The following GRM7 variants were observed in gnomAD, a reference collection of about 807,000 sequenced individuals.
The protein encoded by GRM7 is metabotropic glutamate receptor 7.
Under a neutral mutation model 84.5 loss-of-function variants are expected in GRM7, and 35 were observed. That is an observed-to-expected ratio of 0.41 (90% CI 0.32 to 0.55). GRM7 has a LOEUF of 0.55. GRM7 is among the 20% of genes least tolerant of loss of function. The pLI, the probability that GRM7 is intolerant of heterozygous loss-of-function variation, is 0.19. For missense variants in GRM7, 1,003 were observed against 1,194.6 expected (o/e 0.84, Z 2.36); for synonymous variants, 487 against 455.1 (o/e 1.07, Z -0.89).
intron 2 of GRM7, among the ~76,000 whole-genome samples, chr3:7,164,179 T>G (rs1694724790): frequency 6.6e-6 from 1 of 152,054 alleles, no homozygotes; most frequent in South Asian, 2.1e-4. Flanking sequence ...GCCAACATGG[T>G]GAAACCCCAT....
chr3:7,191,148 C>A (rs750726965), intron 2 of GRM7, among the ~76,000 whole-genome samples: 4 of 152,006 alleles, frequency 2.6e-5, no homozygotes, highest in Admixed American at 6.6e-5. Flanking sequence ...AGAGGATAAT[C>A]GAAATTGAAG....
At chr3:7,583,237 G>C (rs1281414140) in intron 8 of GRM7, among the ~76,000 whole-genome samples, 1 of 152,212 alleles carries the variant, frequency 6.6e-6, no homozygotes, top group Non-Finnish European at 1.5e-5. Context: ...TAGGTAGACA[G>C]TGGTGCTCCC....
At chr3:7,424,713 G>A (rs1696533900) in intron 5 of GRM7, among the ~76,000 whole-genome samples, 1 of 152,182 alleles carries the variant, frequency 6.6e-6, no homozygotes, top group Non-Finnish European at 1.5e-5. Flanking sequence ...TTTCTGTGCT[G>A]AGCCAGAGAA....
At chr3:6,876,016 A>G (rs1226889660) in intron 1 of GRM7, among the ~76,000 whole-genome samples, 2 of 152,134 alleles carry the variant, frequency 1.3e-5, no homozygotes, top group African/African-American at 4.8e-5. Context: ...GCGTGTAACC[A>G]TAGCACTTTG....
intron 1 of GRM7, among the ~76,000 whole-genome samples, chr3:6,896,247 A>G (rs950183592): frequency 6.6e-6 from 1 of 152,142 alleles, no homozygotes; most frequent in Non-Finnish European, 1.5e-5. Context: ...GCTTCTTAGG[A>G]AAGAAGGGAA....
At chr3:7,126,892 C>T (rs973659314) in intron 1 of GRM7, among the ~76,000 whole-genome samples, 2 of 152,166 alleles carry the variant, frequency 1.3e-5, no homozygotes, top group Non-Finnish European at 2.9e-5. Flanking sequence ...GTTAAGAAAT[C>T]ATTTGGACAC....
At chr3:7,640,453 G>C (rs1698315382) in intron 8 of GRM7, among the ~76,000 whole-genome samples, 2 of 152,164 alleles carry the variant, frequency 1.3e-5, no homozygotes. Flanking sequence ...TGGCTACCAT[G>C]CTCTGAATTC....
chr3:7,697,113 A>G (rs1701051791), intron 9 of GRM7, among the ~76,000 whole-genome samples: 1 of 152,166 alleles, frequency 6.6e-6, no homozygotes, highest in Non-Finnish European at 1.5e-5. Context: ...CTTGCATACA[A>G]GCTATACATT....
chr3:7,679,978 C>T (rs896482786), intron 8 of GRM7, 71 bp from the exon 9 acceptor site: 15 of 1,426,372 alleles, frequency 1.1e-5, no homozygotes, highest in East Asian at 2.3e-5. Flanking sequence ...TTCTTGACAT[C>T]GCTTTAAGTG....
chr3:7,615,114 A>G lies in GRM7; in HGVS notation c.2451+35757A>G, dbSNP rs568533251. The stretch of plus-strand genomic sequence containing the variant: ...GTAATATGCCTTTTTTTCTTTACCT[A>G]TTTTCAATGTTTCATCTTCTTTTGT... On this transcript the variant is annotated intron_variant, in intron 8 of 9. Transcript: ENST00000357716. Among the ~76,000 whole-genome samples the G allele has an allele frequency of 4.6e-5, 7 of 151,900 alleles. No individual in the cohort carries two copies. In the East Asian group the frequency reaches 7.7e-4, roughly 17 times the overall value.
At chr3:7,411,195 A>G (rs1227242920) in intron 4 of GRM7, among the ~76,000 whole-genome samples, 3 of 152,164 alleles carry the variant, frequency 2.0e-5, no homozygotes, top group African/African-American at 7.2e-5. Flanking sequence ...CCCTAAATTA[A>G]TTTTATTTGT....
intron 8 of GRM7, among the ~76,000 whole-genome samples, chr3:7,652,874 A>T (rs1379633138): frequency 6.6e-6 from 1 of 152,188 alleles, no homozygotes; most frequent in Non-Finnish European, 1.5e-5. Context: ...GACCAGGGCT[A>T]AGTATGTAGC....
intron 2 of GRM7, among the ~76,000 whole-genome samples, chr3:7,198,166 AAAAG>A (rs1695942651): frequency 6.6e-6 from 1 of 150,502 alleles, no homozygotes; most frequent in Non-Finnish European, 1.5e-5. Context: ...AAAAAAAAAA[AAAAG>A]AGAGAGATGG....
At chr3:7,049,880 G>A (rs1696932167) in intron 1 of GRM7, among the ~76,000 whole-genome samples, 1 of 151,838 alleles carries the variant, frequency 6.6e-6, no homozygotes, top group South Asian at 2.1e-4. Flanking sequence ...GGAGAGCAAG[G>A]CTTACTCAAG....
chr3:6,866,789 C>G (rs563454487), intron 1 of GRM7, among the ~76,000 whole-genome samples: 26 of 152,256 alleles, frequency 1.7e-4, no homozygotes, highest in African/African-American at 6.3e-4. Context: ...TCTTCCTGGC[C>G]CCAGGGATGA....
At chr3:6,931,642 G>T (rs931969312) in intron 1 of GRM7, among the ~76,000 whole-genome samples, 5 of 152,148 alleles carry the variant, frequency 3.3e-5, no homozygotes, top group Admixed American at 6.5e-5. Flanking sequence ...CCAGTTTGTT[G>T]TATGTTGTAG....
intron 4 of GRM7, among the ~76,000 whole-genome samples, chr3:7,308,762 T>A (rs893588399): frequency 5.3e-5 from 8 of 152,120 alleles, no homozygotes; most frequent in African/African-American, 1.4e-4. Context: ...GGGCTTCAAC[T>A]GAGGTCCTCT....
intron 8 of GRM7, among the ~76,000 whole-genome samples, chr3:7,596,309 C>T (rs55770574): frequency 0.13 from 19,940 of 152,104 alleles, 1,800 homozygotes; most frequent in African/African-American, 0.25. Context: ...CACAGTAACA[C>T]TGAGATGCTT....
At chr3:7,464,710 C>T (rs1314257672) in intron 7 of GRM7, among the ~76,000 whole-genome samples, 1 of 152,056 alleles carries the variant, frequency 6.6e-6, no homozygotes, top group Non-Finnish European at 1.5e-5. Flanking sequence ...CGCCTGTAGT[C>T]CCAGCTACTC....
Sources: gnomAD v4.1 joint callset for allele counts (sites outside exome capture counted in the v4.1 genomes callset) on GRCh38, gnomAD v4.1.1 for gene constraint, MANE v1.5 for transcripts, NCBI Gene and HGNC (gene_info 2026-07-23, HGNC 2026-07-21) for gene names.